SMPD3: variants seen among roughly 807,000 people sequenced by gnomAD.
SMPD3 encodes the protein sphingomyelin phosphodiesterase 3.
Under a neutral mutation model 55.7 loss-of-function variants are expected in SMPD3, and 21 were observed. That is an observed-to-expected ratio of 0.38 (90% CI 0.27 to 0.54). The LOEUF (loss-of-function observed/expected upper bound fraction) is 0.54. Ranked by LOEUF, SMPD3 falls within the 20% of genes least tolerant of loss-of-function variation. The probability of loss-of-function intolerance (pLI) is 0.80; values close to 1 mark genes in which losing one functional copy is unlikely to be tolerated. For missense variants in SMPD3, 842 were observed against 899.6 expected, an observed-to-expected ratio of 0.94 and a Z score of 0.82; for synonymous variants, 457 against 404.3, an observed-to-expected ratio of 1.13 and a Z score of -1.56.
At chr16:68,364,039 G>A (rs1014501727) in intron 5 of SMPD3, among the ~76,000 whole-genome samples, 173 bp from the exon 6 acceptor site, 3 of 152,048 alleles carry the variant, frequency 2.0e-5, no homozygotes, top group Non-Finnish European at 4.4e-5. Flanking sequence ...TTCATTTGTC[G>A]CTGCTTTTCT....
intron 7 of SMPD3, 36 bp downstream of exon 7, chr16:68,363,460 T>C: frequency 1.2e-6 from 2 of 1,612,224 alleles, no homozygotes; most frequent in Non-Finnish European, 1.7e-6. Flanking sequence ...TTAGTCAGGG[T>C]GTGCCTCGTC....
At chr16:68,376,213 C>T (rs906609930) in intron 2 of SMPD3, among the ~76,000 whole-genome samples, 30 of 152,248 alleles carry the variant, frequency 2.0e-4, no homozygotes, top group Non-Finnish European at 1.3e-4. Context: ...TTCAGAGAAA[C>T]CCCCAAGTCC....
rs987056668 is a variant in SMPD3 at position 68,425,774 on chromosome 16, G to A, written c.-269+22579C>T. On this transcript the variant is annotated intron_variant, in intron 1 of 8. Transcript: ENST00000219334. ...CCTCGGGCCAGCCCAGGCTGGGGCT[G>A]GGTGGTGGGGATCTGGAGAACAAGC... 8.5e-5 allele frequency among the ~76,000 whole-genome samples: 13 copies of A among 152,298 alleles called. No individual in the cohort carries two copies. In the South Asian group the frequency reaches 2.3e-3, roughly 27 times the overall value.
intron 1 of SMPD3, among the ~76,000 whole-genome samples, chr16:68,402,983 G>C (rs1425701041): frequency 6.6e-6 from 1 of 152,248 alleles, no homozygotes; most frequent in East Asian, 1.9e-4. Context: ...AGCTAGTCTT[G>C]TATGGAGAGT....
chr16:68,436,581 G>A (rs2090524502), intron 1 of SMPD3, among the ~76,000 whole-genome samples: 1 of 152,172 alleles, frequency 6.6e-6, no homozygotes, highest in Non-Finnish European at 1.5e-5. Flanking sequence ...GAATGTTGAT[G>A]AATTCACAAC....
intron 1 of SMPD3, among the ~76,000 whole-genome samples, chr16:68,439,147 G>C (rs2090547623): frequency 6.6e-6 from 1 of 152,200 alleles, no homozygotes; most frequent in African/African-American, 2.4e-5. Flanking sequence ...GGAGAAAGAT[G>C]AAGTCTGGAA....
intron 1 of SMPD3, among the ~76,000 whole-genome samples, chr16:68,437,240 T>C (rs1364068996): frequency 6.6e-6 from 1 of 152,248 alleles, no homozygotes; most frequent in Non-Finnish European, 1.5e-5. Context: ...GCTGATGAAG[T>C]TGCTCTGATG....
intron 1 of SMPD3, among the ~76,000 whole-genome samples, chr16:68,432,151 T>G (rs138397403): frequency 2.0e-5 from 3 of 152,194 alleles, no homozygotes; most frequent in Non-Finnish European, 4.4e-5. Flanking sequence ...AGTAACAGAA[T>G]TTTCTTTACA....
intron 1 of SMPD3, among the ~76,000 whole-genome samples, 161 bp downstream of exon 1, chr16:68,448,192 G>T (rs1413066263): frequency 6.6e-6 from 1 of 152,206 alleles, no homozygotes; most frequent in African/African-American, 2.4e-5. Context: ...AAGCTGCTCC[G>T]ACCTCCGGCG....
chr16:68,379,882 C>T (rs1037379767), intron 2 of SMPD3, among the ~76,000 whole-genome samples: 10 of 152,224 alleles, frequency 6.6e-5, no homozygotes, highest in Non-Finnish European at 8.8e-5. Context: ...CCAACTCGGG[C>T]GTGACTGGAA....
In SMPD3 at chr16:68,372,041, C is replaced by T. The variant is rs754728453; in HGVS notation, c.141G>A (p.Gln47=). 7 of 1,609,562 alleles carry T rather than the reference C, an allele frequency of 4.3e-6. No homozygotes were observed. The highest frequency in any genetic ancestry group is 5.1e-6 in the Non-Finnish European group (6 of 1,178,538). Residue 47 remains glutamine, a synonymous_variant, in exon 3 of 9, where the codon CAG becomes CAA. Coordinates refer to ENST00000219334, the MANE Select transcript of SMPD3 (RefSeq NM_018667.4). The stretch of plus-strand genomic sequence containing the variant: ...GCAGGCAGCACGGGTCGTCTGCCCG[C>T]TGGCGCTTCTCGTAGGTGGTGGGTA... The part of the protein sequence containing the change: ...SFIPTTYEKR[Q]RADDPCCLQL...
chr16:68,368,194 G>A (rs1459522252), intron 3 of SMPD3: 1 of 152,820 alleles, frequency 6.5e-6, no homozygotes, highest in Non-Finnish European at 1.5e-5. Context: ...GAAGGGAAGA[G>A]AGGATTGTGT....
chr16:68,358,468 T>C lies in SMPD3; in HGVS notation c.*2738A>G, dbSNP rs999377912. On this transcript the variant is annotated 3_prime_UTR_variant, in exon 9 of 9. Coordinates refer to ENST00000219334, the MANE Select transcript of SMPD3 (RefSeq NM_018667.4). ...TCTAGGGAAGAACCGTCTGGATATA[T>C]ATTTGATAATGTTTTTACCAAAACC... The C allele has an allele frequency of 4.6e-5, 7 of 152,700 alleles. No homozygotes were observed. Among genetic ancestry groups the C allele is most frequent in the African/African-American group, 9.6e-5 (4 of 41,470 alleles). The allele number at this position is 152,700 out of a possible 1,614,324, so 9.5% of individuals were successfully genotyped here.
At chr16:68,373,161 G>C (rs2089718772) in intron 2 of SMPD3, among the ~76,000 whole-genome samples, 1 of 152,230 alleles carries the variant, frequency 6.6e-6, no homozygotes. Context: ...GGGCTGTGTG[G>C]GTCTGGCCCA....
chr16:68,405,913 C>T (rs941115339), intron 1 of SMPD3, among the ~76,000 whole-genome samples: 44 of 152,198 alleles, frequency 2.9e-4, no homozygotes, highest in African/African-American at 1.0e-3. Context: ...TAACCCCAGA[C>T]TTAGTACCAG....
intron 2 of SMPD3, among the ~76,000 whole-genome samples, chr16:68,373,814 T>C (rs2089737342): frequency 6.6e-6 from 1 of 152,162 alleles, no homozygotes; most frequent in Non-Finnish European, 1.5e-5. Flanking sequence ...TCAGCCCCTC[T>C]GTCAGGCCTG....
chr16:68,363,818 G>C lies in SMPD3; in HGVS notation c.1604C>G (p.Pro535Arg), dbSNP rs1436705309. ...QHSLFTHYRD[P>R]CRLGPGEEKP... The stretch of plus-strand genomic sequence containing the variant: ...CTCCTCACCAGGCCCCAGGCGGCAG[G>C]GGTCCCTGTAGTGGGTGAACAGGGA... Residue 535 changes from proline to arginine, a missense_variant, in exon 6 of 9, where the codon CCC becomes CGC. Physicochemically the swap from Pro to Arg is moderately radical, Grantham distance 103. Coordinates refer to ENST00000219334, the MANE Select transcript of SMPD3 (RefSeq NM_018667.4). 6.4e-7 allele frequency: 1 copy of C among 1,572,198 alleles called. No individual in the cohort carries two copies. The highest frequency in any genetic ancestry group is 1.2e-5 in the South Asian group (1 of 85,654).
intron 3 of SMPD3, among the ~76,000 whole-genome samples, chr16:68,365,687 C>T (rs3785127): frequency 1.5e-3 from 226 of 152,180 alleles, no homozygotes; most frequent in African/African-American, 5.2e-3. Flanking sequence ...GCTCCCTGAC[C>T]TGTGTCCTAG....
At chr16:68,376,391 C>T (rs566940646) in intron 2 of SMPD3, among the ~76,000 whole-genome samples, 94 of 152,346 alleles carry the variant, frequency 6.2e-4, no homozygotes, top group African/African-American at 2.2e-3. Context: ...GGACTCCATG[C>T]CCCCGCTCTC....
Sources: gnomAD v4.1 joint callset for allele counts (sites outside exome capture counted in the v4.1 genomes callset) on GRCh38, gnomAD v4.1.1 for gene constraint, MANE v1.5 for transcripts, NCBI Gene and HGNC (gene_info 2026-07-23, HGNC 2026-07-21) for gene names.